Variants in PKIG observed in about 807,000 individuals in gnomAD.
PKIG encodes protein kinase (cAMP-dependent, catalytic) inhibitor gamma.
Under a neutral mutation model 6.8 loss-of-function variants are expected in PKIG, and 1 was observed. The observed-to-expected ratio is 0.15, with a 90% CI of 0.05 to 0.69. PKIG has a LOEUF of 0.69. PKIG is among the 30% of genes least tolerant of loss of function. The probability of loss-of-function intolerance (pLI) is 0.82; values close to 1 mark genes in which losing one functional copy is unlikely to be tolerated. For synonymous variants in PKIG, 39 were observed against 43.0 expected (o/e 0.91, Z 0.36); for missense variants, 77 against 104.0 (o/e 0.74, Z 1.13).
At chr20:44,569,194 A>C (rs1316228632) in intron 1 of PKIG, among the ~76,000 whole-genome samples, 1 of 152,198 alleles carries the variant, frequency 6.6e-6, no homozygotes, top group Non-Finnish European at 1.5e-5. Flanking sequence ...ATATCTCTGC[A>C]ACACTGAGAA....
chr20:44,542,177 A>T (rs536317298), intron 1 of PKIG, among the ~76,000 whole-genome samples: 1 of 152,224 alleles, frequency 6.6e-6, no homozygotes, highest in Non-Finnish European at 1.5e-5. Context: ...GCAGAGTTGT[A>T]TGATGAGAAG....
In PKIG at chr20:44,618,641, A is replaced by G. The variant is rs1009932744; in HGVS notation, c.*277A>G. On this transcript the variant is annotated 3_prime_UTR_variant, in exon 4 of 4. Transcript: ENST00000372886. ...TGTTATTTATTGAGCTGGCGCCGGG[A>G]CTTGGGCGGGGCCTGCCCTACAGTG... 2.1e-5 allele frequency: 8 copies of G among 375,418 alleles called. No individual in the cohort carries two copies. Among genetic ancestry groups the G allele is most frequent in the Non-Finnish European group, 4.1e-5 (8 of 196,482 alleles). 23.3% of individuals were successfully genotyped at this position (375,418 alleles called of 1,614,324 possible).
chr20:44,533,651 A>G (rs942656059), intron 1 of PKIG, among the ~76,000 whole-genome samples: 3 of 152,156 alleles, frequency 2.0e-5, no homozygotes, highest in East Asian at 1.9e-4. Context: ...TTAAAGATCA[A>G]TATTGAAAGA....
At chr20:44,532,730 G>T (rs1052647663) in intron 1 of PKIG, among the ~76,000 whole-genome samples, 1 of 152,174 alleles carries the variant, frequency 6.6e-6, no homozygotes, top group Admixed American at 6.5e-5. Context: ...GCCAAAAGAA[G>T]GTGACTTCCA....
intron 1 of PKIG, among the ~76,000 whole-genome samples, chr20:44,577,504 G>A (rs1232529136): frequency 6.6e-6 from 1 of 152,096 alleles, no homozygotes; most frequent in African/African-American, 2.4e-5. Flanking sequence ...GTGAGACGAT[G>A]TATTGTTCTC....
intron 1 of PKIG, among the ~76,000 whole-genome samples, chr20:44,558,695 CTCTCT>C (rs1841231851): frequency 6.9e-6 from 1 of 143,900 alleles, no homozygotes; most frequent in South Asian, 2.2e-4. Flanking sequence ...CTCTTTTTCT[CTCTCT>C]TCTCTTTCTT....
intron 1 of PKIG, among the ~76,000 whole-genome samples, chr20:44,551,342 C>A (rs1351401344): frequency 2.6e-5 from 4 of 152,226 alleles, no homozygotes; most frequent in Admixed American, 2.6e-4. Flanking sequence ...GCGTGAGCCA[C>A]CGCGCCCGGC....
Position 44,585,571 on chromosome 20 carries a change from C to T in PKIG, c.-94+2840C>T, listed in dbSNP as rs570450698. On this transcript the variant is annotated intron_variant, in intron 1 of 3. Transcript: ENST00000372886. ...GCTGGCAGGGGCTAGAGCTTGAGTTCCCAATGAGAACTGGTTGTCCCCGAA... is the reference window on the plus strand; with the variant it reads ...GCTGGCAGGGGCTAGAGCTTGAGTTTCCAATGAGAACTGGTTGTCCCCGAA... 1.5e-4 allele frequency among the ~76,000 whole-genome samples: 23 copies of T among 152,318 alleles called. No homozygotes were observed. In the East Asian group the frequency reaches 1.9e-3, roughly 13 times the overall value.
At chr20:44,553,775 T>G (rs568396093) in intron 1 of PKIG, among the ~76,000 whole-genome samples, 1 of 152,228 alleles carries the variant, frequency 6.6e-6, no homozygotes, top group East Asian at 1.9e-4. Context: ...CATGTTCCTG[T>G]GCACACGGGT....
Position 44,548,881 on chromosome 20 carries a change from CACACACACACACACACACACACAT to C in PKIG, c.-241+16905_-241+16928del, listed in dbSNP as rs991406858. ...ACACACACACACACACACACACACA[CACACACACACACACACACACACAT>C]ATATCTGTCTGAGATAATAATTAGA... On this transcript the variant is annotated intron_variant, in intron 1 of 4. Transcript: ENST00000372887. Among the ~76,000 whole-genome samples the C allele has an allele frequency of 2.0e-4, 29 of 143,946 alleles. No homozygotes were observed. The South Asian group carries it at 3.2e-3, about 16-fold the overall frequency. 94.4% of individuals were successfully genotyped at this position (143,946 alleles called of 152,430 possible). A position where few individuals can be genotyped will look rare whatever the true frequency, so the allele number is the denominator to read the frequency against.
chr20:44,535,913 C>G (rs917379517), intron 1 of PKIG, among the ~76,000 whole-genome samples: 1 of 152,184 alleles, frequency 6.6e-6, no homozygotes, highest in African/African-American at 2.4e-5. Flanking sequence ...ACTTTTTCAT[C>G]TTGCAAAAGT....
At position 44,549,661 on chromosome 20, in the gene PKIG, C is replaced by T. The variant is rs576002557; in HGVS notation, c.-241+17683C>T. On this transcript the variant is annotated intron_variant, in intron 1 of 4. Transcript: ENST00000372887. ...GCAACAAAGTAAAACCCCATCTCTA[C>T]GAAAAATGGAAAAAAATAGCTGACA... Among the ~76,000 whole-genome samples, 17 of 152,116 alleles carry T rather than the reference C, an allele frequency of 1.1e-4. 1 individual carries two copies. In the South Asian group the frequency reaches 2.9e-3, roughly 26 times the overall value.
At position 44,552,218 on chromosome 20, in the gene PKIG, C is replaced by T. The variant is rs114146490; in HGVS notation, c.-241+20240C>T. On this transcript the variant is annotated intron_variant, in intron 1 of 4. Transcript: ENST00000372887. Reference sequence around the variant, plus strand: ...CTTATCTCAAATGCCACGTTGTTTGCGCGTATTTCTCAAAGCCATCCATCA... The same window carrying T: ...CTTATCTCAAATGCCACGTTGTTTGTGCGTATTTCTCAAAGCCATCCATCA... Among the ~76,000 whole-genome samples the T allele has an allele frequency of 5.1e-3, 771 of 152,308 alleles. 8 individuals carry two copies. The highest frequency in any genetic ancestry group is 0.018 in the African/African-American group (741 of 41,562).
intron 2 of PKIG, among the ~76,000 whole-genome samples, chr20:44,612,344 T>C (rs1218516893): frequency 2.0e-5 from 3 of 152,110 alleles, no homozygotes; most frequent in Non-Finnish European, 2.9e-5. Context: ...AGAGAAAACA[T>C]TGGGCATTTG....
chr20:44,584,846 C>A (rs2064977117), intron 1 of PKIG, among the ~76,000 whole-genome samples: 1 of 152,074 alleles, frequency 6.6e-6, no homozygotes, highest in South Asian at 2.1e-4. Flanking sequence ...GCCTCAGCCC[C>A]TCGAATAGCT....
intron 1 of PKIG, among the ~76,000 whole-genome samples, chr20:44,567,601 T>A (rs1194058099): frequency 6.6e-6 from 1 of 152,222 alleles, no homozygotes; most frequent in Non-Finnish European, 1.5e-5. Flanking sequence ...AGCTTAGAGC[T>A]CATTTCTTCC....
chr20:44,602,132 C>G (rs2065126399), intron 2 of PKIG, among the ~76,000 whole-genome samples: 1 of 152,250 alleles, frequency 6.6e-6, no homozygotes, highest in Admixed American at 6.5e-5. Flanking sequence ...GATACCAAAA[C>G]CTCCTGAGGA....
chr20:44,609,734 C>T (rs139712591), intron 2 of PKIG, among the ~76,000 whole-genome samples: 200 of 152,210 alleles, frequency 1.3e-3, no homozygotes, highest in Non-Finnish European at 2.6e-3. Context: ...GAGGAAGAGC[C>T]GAGGACTCGG....
rs540520138 is a variant in PKIG at position 44,540,882 on chromosome 20, G to C, written c.-241+8904G>C. On this transcript the variant is annotated intron_variant, in intron 1 of 4. Transcript: ENST00000372887. Reference sequence around the variant, plus strand: ...CAGGCATGAGCCACTGCGCCTGGCCGTACTGATGTTTTTGATTCTCTGGTT... The same window carrying C: ...CAGGCATGAGCCACTGCGCCTGGCCCTACTGATGTTTTTGATTCTCTGGTT... 2.0e-5 allele frequency among the ~76,000 whole-genome samples: 3 copies of C among 152,278 alleles called. 1 individual carries two copies. Among genetic ancestry groups the C allele is most frequent in the African/African-American group, 7.2e-5 (3 of 41,560 alleles).
Sources: gnomAD v4.1 joint callset for allele counts (sites outside exome capture counted in the v4.1 genomes callset) on GRCh38, gnomAD v4.1.1 for gene constraint, MANE v1.5 for transcripts, NCBI Gene and HGNC (gene_info 2026-07-23, HGNC 2026-07-21) for gene names.